Variants in HTR3B observed in about 807,000 individuals in gnomAD.
HTR3B encodes 5-hydroxytryptamine (serotonin) receptor 3B, ionotropic.
Under a neutral mutation model 42.8 loss-of-function variants are expected in HTR3B, and 44 were observed. That is an observed-to-expected ratio of 1.03 (90% CI 0.81 to 1.32). The LOEUF is 1.32. Ranked by LOEUF, HTR3B falls within the 40% of genes most tolerant of loss-of-function variation. The probability of loss-of-function intolerance (pLI) is 0.00; values close to 1 mark genes in which losing one functional copy is unlikely to be tolerated. For missense variants in HTR3B, 527 were observed against 536.5 expected, an observed-to-expected ratio of 0.98 and a Z score of 0.17; for synonymous variants, 203 against 209.0, an observed-to-expected ratio of 0.97 and a Z score of 0.25.
intron 2 of HTR3B, among the ~76,000 whole-genome samples, chr11:113,930,198 A>T (rs187554729): frequency 6.6e-6 from 1 of 152,146 alleles, no homozygotes; most frequent in Admixed American, 6.5e-5. Flanking sequence ...TTTAAAGCAC[A>T]AAAGTTTTTA....
intron 8 of HTR3B, 145 bp from the exon 9 acceptor site, chr11:113,945,757 G>A: frequency 1.6e-6 from 1 of 637,710 alleles, no homozygotes; most frequent in East Asian, 2.7e-5. Flanking sequence ...TAATCGGGTG[G>A]GGAGAGTACC....
At chr11:113,940,193 C>T (rs1950123310) in intron 6 of HTR3B, among the ~76,000 whole-genome samples, 1 of 152,280 alleles carries the variant, frequency 6.6e-6, no homozygotes, top group East Asian at 1.9e-4. Flanking sequence ...GGCCTGTCCC[C>T]TTGATTTTGA....
At chr11:113,934,285 G>T (rs1048460028) in intron 6 of HTR3B, among the ~76,000 whole-genome samples, 1 of 152,062 alleles carries the variant, frequency 6.6e-6, no homozygotes, top group African/African-American at 2.4e-5. Flanking sequence ...GAAGCCGGGA[G>T]GTGGAGGTTG....
chr11:113,943,509 A>AT (rs1950153156), intron 7 of HTR3B, among the ~76,000 whole-genome samples: 1 of 151,720 alleles, frequency 6.6e-6, no homozygotes, highest in African/African-American at 2.4e-5. Context: ...AATTTGTTGT[A>AT]TTTTTAGTAG....
intron 2 of HTR3B, among the ~76,000 whole-genome samples, chr11:113,916,223 T>C (rs1253765187): frequency 6.6e-6 from 1 of 152,266 alleles, no homozygotes; most frequent in Non-Finnish European, 1.5e-5. Context: ...CATTTGAACA[T>C]GTTGAACATT....
At chr11:113,944,428 T>C in intron 7 of HTR3B, 145 bp from the exon 8 acceptor site, 1 of 687,566 alleles carries the variant, frequency 1.5e-6, no homozygotes. Context: ...TTCAGCCCAA[T>C]ACGTTAAGGC....
At chr11:113,903,403 C>T (rs1464148943), upstream of HTR3B, among the ~76,000 whole-genome samples, 1 of 150,428 alleles carries the variant, frequency 6.6e-6, no homozygotes, top group South Asian at 2.1e-4. Flanking sequence ...ACACACATTA[C>T]ATTTGTATTT....
At chr11:113,904,594 T>C (rs1949720629), upstream of HTR3B, 1 of 222,390 alleles carries the variant, frequency 4.5e-6, no homozygotes, top group East Asian at 1.0e-4. Flanking sequence ...CATATTAGTG[T>C]GGAATTTCCT....
intron 2 of HTR3B, among the ~76,000 whole-genome samples, chr11:113,912,337 G>A (rs1428313120): frequency 1.3e-5 from 2 of 151,950 alleles, no homozygotes; most frequent in Admixed American, 6.6e-5. Flanking sequence ...TCCGCCTCCC[G>A]GGTTCACGCC....
chr11:113,924,903 A>G (rs969107654), intron 2 of HTR3B, among the ~76,000 whole-genome samples: 25 of 152,198 alleles, frequency 1.6e-4, no homozygotes, highest in African/African-American at 6.0e-4. Flanking sequence ...TTGAACCACT[A>G]AAGCAGGGCG....
rs78833992 is a variant in HTR3B, at chr11:113,944,839, C to T, written c.1090+84C>T. ...CCCGTTGATGATGTACTAGGTATTG[C>T]GTTGGCCTATGTGAAAAACCTACAA... On this transcript the variant is annotated intron_variant, in intron 8 of 8. Coordinates refer to ENST00000260191, the MANE Select transcript of HTR3B (RefSeq NM_006028.5). 3,532 of 1,322,692 alleles carry T rather than the reference C, an allele frequency of 2.7e-3. 82 individuals carry two copies. In the African/African-American group the frequency reaches 0.044, roughly 17 times the overall value. 81.9% of individuals were successfully genotyped at this position (1,322,692 alleles called of 1,614,324 possible). A position where few individuals can be genotyped will look rare whatever the true frequency, so the allele number is the denominator to read the frequency against.
At chr11:113,929,330 A>C (rs1249408308) in intron 2 of HTR3B, among the ~76,000 whole-genome samples, 1 of 152,102 alleles carries the variant, frequency 6.6e-6, no homozygotes, top group Non-Finnish European at 1.5e-5. Flanking sequence ...GGTGGCATAA[A>C]CAACAGAAAT....
chr11:113,926,225 G>A (rs565192509), intron 2 of HTR3B, among the ~76,000 whole-genome samples: 2 of 151,960 alleles, frequency 1.3e-5, no homozygotes, highest in Non-Finnish European at 1.5e-5. Flanking sequence ...CTGTATAATC[G>A]ATTGTATGGA....
intron 5 of HTR3B, 100 bp from the exon 6 acceptor site, chr11:113,932,836 G>T: frequency 9.2e-6 from 11 of 1,193,574 alleles, no homozygotes; most frequent in South Asian, 1.4e-5. Flanking sequence ...GCCTATGGGG[G>T]CAGGAGAACG....
chr11:113,908,141 C>T (rs1949747751), intron 1 of HTR3B, among the ~76,000 whole-genome samples: 2 of 152,174 alleles, frequency 1.3e-5, no homozygotes, highest in African/African-American at 4.8e-5. Context: ...GTATATTGCA[C>T]TGCCCACAAG....
chr11:113,900,426 G>C (rs1949689798), upstream of HTR3B, among the ~76,000 whole-genome samples: 2 of 152,182 alleles, frequency 1.3e-5, no homozygotes, highest in Non-Finnish European at 2.9e-5. Context: ...CTTTCTCTGG[G>C]TGGATGTATT....
chr11:113,907,678 G>T (rs1949743834), intron 1 of HTR3B, among the ~76,000 whole-genome samples: 1 of 152,092 alleles, frequency 6.6e-6, no homozygotes, highest in Admixed American at 6.5e-5. Flanking sequence ...GATCGCAGAG[G>T]GGAATTTGAG....
chr11:113,936,226 A>G (rs574112291), intron 6 of HTR3B, among the ~76,000 whole-genome samples: 1 of 152,034 alleles, frequency 6.6e-6, no homozygotes, highest in African/African-American at 2.4e-5. Context: ...ATGAGGGTAG[A>G]AGTGGGAGGA....
upstream of HTR3B, chr11:113,904,755 G>T: frequency 1.7e-6 from 1 of 587,276 alleles, no homozygotes. Context: ...CATTTGCATG[G>T]TGCTGGTATT....
Sources: allele counts gnomAD v4.1 joint callset (sites outside exome capture counted in the v4.1 genomes callset), GRCh38; gene constraint gnomAD v4.1.1; transcripts MANE v1.5; gene names NCBI Gene and HGNC (gene_info 2026-07-23, HGNC 2026-07-21).